Variants in PHACTR3 observed in about 807,000 individuals in gnomAD.
The protein encoded by PHACTR3 is phosphatase and actin regulator 3.
In PHACTR3, 16 loss-of-function variants were observed where a neutral mutation model predicts 66.8. The ratio of observed to expected loss-of-function variants is 0.24; its 90% CI spans 0.16 to 0.36. The LOEUF is 0.36. PHACTR3 is among the 10% of genes least tolerant of loss of function. The pLI is 1.00. For synonymous variants in PHACTR3, 323 were observed against 292.1 expected, an observed-to-expected ratio of 1.11 and a Z score of -1.08; for missense variants, 647 against 719.9, an observed-to-expected ratio of 0.90 and a Z score of 1.16.
chr20:59,612,638 C>A (rs1600914422), intron 1 of PHACTR3, among the ~76,000 whole-genome samples: 1 of 152,182 alleles, frequency 6.6e-6, no homozygotes, highest in African/African-American at 2.4e-5. Context: ...CCCACTTTGG[C>A]CTCCCAAAGT....
intron 8 of PHACTR3, among the ~76,000 whole-genome samples, chr20:59,808,892 G>T (rs1422559682): frequency 6.6e-6 from 1 of 152,144 alleles, no homozygotes. Context: ...CGTGTGTGTA[G>T]TGTGTTAGCA....
chr20:59,762,057 CAGAG>C (rs2040009692), intron 4 of PHACTR3, among the ~76,000 whole-genome samples: 1 of 152,126 alleles, frequency 6.6e-6, no homozygotes, highest in African/African-American at 2.4e-5. Flanking sequence ...AGGGCGGTGT[CAGAG>C]AGGAGAGGGA....
At chr20:59,759,977 C>A (rs1173631422) in intron 4 of PHACTR3, among the ~76,000 whole-genome samples, 4 of 152,084 alleles carry the variant, frequency 2.6e-5, no homozygotes, top group Non-Finnish European at 5.9e-5. Flanking sequence ...CTGCAGGAGC[C>A]CCTGGGGTGT....
At position 59,755,283 on chromosome 20, in the gene PHACTR3, C is replaced by G; in HGVS notation, c.460C>G (p.Pro154Ala). Residue 154 changes from proline (P) to alanine (A), a missense_variant, in exon 4 of 13, where the codon CCC becomes GCC. By Grantham distance (27) the Pro-to-Ala change is conservative. Coordinates refer to ENST00000371015, the MANE Select transcript of PHACTR3 (RefSeq NM_080672.5). ...SETLTSEDAQ[P>A]GSPLATGTDQ... ...GACGCTGACTTCAGAAGATGCCCAGCCCGGAAGCCCCTTGGCCACTGGGAC... is the reference window on the plus strand; with the variant it reads ...GACGCTGACTTCAGAAGATGCCCAGGCCGGAAGCCCCTTGGCCACTGGGAC... 1 of 1,613,650 alleles carries G rather than the reference C, an allele frequency of 6.2e-7. No homozygotes were observed. Among genetic ancestry groups the G allele is most frequent in the Non-Finnish European group, 8.5e-7 (1 of 1,180,018 alleles).
chr20:59,839,989 C>G (rs956543807), intron 9 of PHACTR3, among the ~76,000 whole-genome samples: 1 of 152,120 alleles, frequency 6.6e-6, no homozygotes, highest in Non-Finnish European at 1.5e-5. Context: ...TTTACTTAGT[C>G]TACTACAGCT....
chr20:59,833,554 G>T (rs934969597), intron 8 of PHACTR3, among the ~76,000 whole-genome samples: 2 of 152,132 alleles, frequency 1.3e-5, no homozygotes, highest in Non-Finnish European at 2.9e-5. Flanking sequence ...AACAAAGGGC[G>T]GGGGGAAGCC....
intron 3 of PHACTR3, among the ~76,000 whole-genome samples, chr20:59,749,631 G>A (rs1857646267): frequency 6.6e-6 from 1 of 152,180 alleles, no homozygotes; most frequent in Non-Finnish European, 1.5e-5. Context: ...TCTGGAGAGG[G>A]TCAGATAGTG....
chr20:59,776,871 T>G (rs2040557549), intron 7 of PHACTR3, among the ~76,000 whole-genome samples: 1 of 150,880 alleles, frequency 6.6e-6, no homozygotes, highest in South Asian at 2.1e-4. Context: ...CTTCCTTCTC[T>G]GATTGAGTGC....
At chr20:59,612,062 C>T (rs2033868817) in intron 1 of PHACTR3, among the ~76,000 whole-genome samples, 1 of 152,006 alleles carries the variant, frequency 6.6e-6, no homozygotes, top group Admixed American at 6.6e-5. Context: ...TGTCCTGGGC[C>T]CTCCCCAGAG....
At chr20:59,629,054 T>C (rs963568495) in intron 1 of PHACTR3, among the ~76,000 whole-genome samples, 2 of 152,238 alleles carry the variant, frequency 1.3e-5, no homozygotes, top group African/African-American at 4.8e-5. Flanking sequence ...TTGCTGTTTT[T>C]TCAGTGAATA....
chr20:59,834,914 G>A (rs993882996), intron 8 of PHACTR3, among the ~76,000 whole-genome samples: 2 of 152,164 alleles, frequency 1.3e-5, no homozygotes, highest in Non-Finnish European at 2.9e-5. Flanking sequence ...ACTAACGATA[G>A]GTGATTAGCT....
intron 1 of PHACTR3, among the ~76,000 whole-genome samples, chr20:59,701,521 TAGAAATAA>T (rs1212016360): frequency 6.6e-6 from 1 of 152,226 alleles, no homozygotes; most frequent in Non-Finnish European, 1.5e-5. Flanking sequence ...AAGACCTGGA[TAGAAATAA>T]AGGCATTCTA....
intron 8 of PHACTR3, among the ~76,000 whole-genome samples, chr20:59,827,935 CAG>C (rs2042242419): frequency 6.6e-6 from 1 of 152,154 alleles, no homozygotes; most frequent in South Asian, 2.1e-4. Context: ...TTTGGAAACT[CAG>C]GGCAGCTCTG....
At chr20:59,608,170 G>C (rs903512172) in intron 1 of PHACTR3, among the ~76,000 whole-genome samples, 8 of 152,170 alleles carry the variant, frequency 5.3e-5, no homozygotes, top group Non-Finnish European at 1.2e-4. Context: ...TTAATTTGCA[G>C]TTCCCTGATT....
At chr20:59,588,100 C>G (rs1286393163) in intron 1 of PHACTR3, among the ~76,000 whole-genome samples, 2 of 152,206 alleles carry the variant, frequency 1.3e-5, no homozygotes, top group Non-Finnish European at 2.9e-5. Context: ...GAATGGCTCT[C>G]AAATTCTGCT....
intron 1 of PHACTR3, among the ~76,000 whole-genome samples, chr20:59,719,664 A>C (rs2038220220): frequency 6.6e-6 from 1 of 152,218 alleles, no homozygotes; most frequent in African/African-American, 2.4e-5. Context: ...GAAAAAAATC[A>C]GCAGTTCCTT....
chr20:59,669,552 C>T (rs989573535), intron 1 of PHACTR3, among the ~76,000 whole-genome samples: 1 of 152,210 alleles, frequency 6.6e-6, no homozygotes, highest in Non-Finnish European at 1.5e-5. Flanking sequence ...CAGTGTTTTG[C>T]AACCATCATT....
At chr20:59,833,130 C>G (rs1021956918) in intron 8 of PHACTR3, among the ~76,000 whole-genome samples, 2 of 152,182 alleles carry the variant, frequency 1.3e-5, no homozygotes, top group African/African-American at 4.8e-5. Flanking sequence ...CTGGCCTGAG[C>G]ACCCTTTTGC....
chr20:59,739,983 T>G (rs2146754149), intron 1 of PHACTR3, among the ~76,000 whole-genome samples: 1 of 152,260 alleles, frequency 6.6e-6, no homozygotes, highest in Non-Finnish European at 1.5e-5. Flanking sequence ...CTTCAGTTTG[T>G]TCATCTGTAA....
Sources: gnomAD v4.1 joint callset for allele counts (sites outside exome capture counted in the v4.1 genomes callset) on GRCh38, gnomAD v4.1.1 for gene constraint, MANE v1.5 for transcripts, NCBI Gene and HGNC (gene_info 2026-07-23, HGNC 2026-07-21) for gene names.